Variants in DPP8 observed in about 807,000 individuals in gnomAD.
DPP8 encodes the protein dipeptidyl peptidase 8.
In DPP8, 31 loss-of-function variants were observed where a neutral mutation model predicts 107.5. The observed-to-expected ratio is 0.29, with a 90% CI of 0.22 to 0.39. The LOEUF (loss-of-function observed/expected upper bound fraction) is 0.39. Ranked by LOEUF, DPP8 falls within the 10% of genes least tolerant of loss-of-function variation. The pLI is 1.00. For missense variants in DPP8, 842 were observed against 1,076.1 expected (o/e 0.78, Z 3.04); for synonymous variants, 381 against 356.6 (o/e 1.07, Z -0.77).
chr15:65,477,584 C>G (rs1390133900), intron 11 of DPP8, among the ~76,000 whole-genome samples: 1 of 146,492 alleles, frequency 6.8e-6, no homozygotes, highest in Admixed American at 6.9e-5. Context: ...CACTGGAGTG[C>G]AGTGGCGCGA....
At chr15:65,468,545 A>T (rs1046285302) in intron 12 of DPP8, among the ~76,000 whole-genome samples, 1 of 152,050 alleles carries the variant, frequency 6.6e-6, no homozygotes, top group Non-Finnish European at 1.5e-5. Flanking sequence ...AACACATATA[A>T]ATTTCTAAAA....
At chr15:65,513,036 G>C (rs537244459) in intron 1 of DPP8, among the ~76,000 whole-genome samples, 2 of 152,294 alleles carry the variant, frequency 1.3e-5, no homozygotes, top group South Asian at 4.1e-4. Context: ...CAACAAATGA[G>C]AACGGTAATA....
chr15:65,480,748 C>A (rs764020253), intron 9 of DPP8, among the ~76,000 whole-genome samples: 3 of 152,036 alleles, frequency 2.0e-5, no homozygotes, highest in Non-Finnish European at 4.4e-5. Flanking sequence ...CAGTAAGCTA[C>A]GATCATGCCA....
At chr15:65,497,662 A>G (rs1212645468) in intron 5 of DPP8, among the ~76,000 whole-genome samples, 2 of 152,218 alleles carry the variant, frequency 1.3e-5, no homozygotes, top group African/African-American at 4.8e-5. Flanking sequence ...GAAAATGAAC[A>G]TTAAAACATT....
chr15:65,506,345 TAATA>T (rs1047876704), intron 3 of DPP8, among the ~76,000 whole-genome samples: 2 of 151,976 alleles, frequency 1.3e-5, no homozygotes, highest in African/African-American at 2.4e-5. Context: ...AAAATGATAA[TAATA>T]AATAAATAAA....
intron 11 of DPP8, chr15:65,475,355 TG>T: frequency 7.5e-7 from 1 of 1,325,968 alleles, no homozygotes. Context: ...CTTCTGAGTG[TG>T]GGCTTTGGAG....
At chr15:65,499,245 C>A (rs1237116773) in intron 4 of DPP8, among the ~76,000 whole-genome samples, 1 of 150,416 alleles carries the variant, frequency 6.6e-6, no homozygotes, top group African/African-American at 2.5e-5. Flanking sequence ...TTTTTTTTCT[C>A]TCTCTCTTAG....
In DPP8 at chr15:65,443,209, CTA is replaced by C. The variant is rs2063360091; in HGVS notation, c.*3673_*3674del. 6.6e-6 allele frequency: 1 copy of C among 152,070 alleles called. No homozygotes were observed. Among genetic ancestry groups the C allele is most frequent in the Admixed American group, 6.5e-5 (1 of 15,268 alleles). The allele number at this position is 152,070 out of a possible 1,614,324, so 9.4% of individuals were successfully genotyped here. On this transcript the variant is annotated 3_prime_UTR_variant, in exon 20 of 20. Transcript: ENST00000300141. ...ATATTTCTTTAAAAATTTACCTTTT[CTA>C]TATATCATTTAACTACCATGAGGCA...
Position 65,498,009 on chromosome 15 carries a change from T to C in DPP8, c.570A>G (p.Leu190=). ...GTATGTTGGGACAACTAGTTTCCAC[T>C]AGATTGGGCCTTAAAGGTTGTTGCT... ...GFTQQPLRPN[L]VETSCPNIRM... Residue 190 remains leucine (L), a synonymous_variant, in exon 5 of 20, where the codon CTA becomes CTG. Transcript: ENST00000300141. 1.2e-5 allele frequency: 19 copies of C among 1,605,904 alleles called. No individual in the cohort carries two copies. Among genetic ancestry groups the C allele is most frequent in the Non-Finnish European group, 1.6e-5 (19 of 1,175,248 alleles).
At chr15:65,466,964 TTA>T in intron 13 of DPP8, 105 bp downstream of exon 13, 5 of 1,468,166 alleles carry the variant, frequency 3.4e-6, no homozygotes, top group Admixed American at 2.2e-5. Context: ...AAGCTTTTCC[TTA>T]GAGAATTAGG....
chr15:65,471,796 A>C (rs1252900813), intron 12 of DPP8, among the ~76,000 whole-genome samples: 1 of 152,160 alleles, frequency 6.6e-6, no homozygotes, highest in African/African-American at 2.4e-5. Flanking sequence ...CAGATACTCT[A>C]AAGTTTTTAC....
At chr15:65,491,796 G>C (rs995082854) in intron 5 of DPP8, among the ~76,000 whole-genome samples, 4 of 152,136 alleles carry the variant, frequency 2.6e-5, no homozygotes, top group African/African-American at 9.7e-5. Flanking sequence ...GCAGTGGCGT[G>C]ATCTCGGCTC....
At chr15:65,498,123 T>G in intron 4 of DPP8, 91 bp from the exon 5 acceptor site, 1 of 1,043,984 alleles carries the variant, frequency 9.6e-7, no homozygotes, top group Non-Finnish European at 1.3e-6. Context: ...TATTTCTAGG[T>G]AAAATGTCAA....
intron 1 of DPP8, among the ~76,000 whole-genome samples, chr15:65,514,938 G>A: frequency 6.6e-6 from 1 of 152,218 alleles, no homozygotes; most frequent in East Asian, 1.9e-4. Context: ...GTGCTTGCAA[G>A]AATAGGGCTG....
At chr15:65,489,368 A>G (rs180879738) in intron 6 of DPP8, among the ~76,000 whole-genome samples, 1 of 151,564 alleles carries the variant, frequency 6.6e-6, no homozygotes, top group Non-Finnish European at 1.5e-5. Context: ...TTAAACCACA[A>G]TACAATGGTT....
intron 12 of DPP8, among the ~76,000 whole-genome samples, chr15:65,470,195 C>CAAAAAAAAAAAAAAAAAAA (rs11310623): frequency 3.4e-5 from 2 of 58,500 alleles, no homozygotes; most frequent in African/African-American, 5.9e-5. Flanking sequence ...ACTCTTGTCT[C>CAAAAAAAAAAAAAAAAAAA]AAAAAAAAAA....
intron 5 of DPP8, among the ~76,000 whole-genome samples, chr15:65,493,439 G>T (rs535047275): frequency 6.6e-6 from 1 of 152,190 alleles, no homozygotes; most frequent in East Asian, 1.9e-4. Flanking sequence ...CTCCAGCAGG[G>T]TAACCAAATA....
In DPP8 at chr15:65,497,960, C is replaced by T. The variant is rs995850555; in HGVS notation, c.619G>A (p.Ala207Thr). ...NIRMDPKLCP[A>T]DPDWIAFIHS... ...ATAAAAGCAATCCAGTCTGGATCAG[C>T]AGGGCATAATTTTGGATCCATCCGT... The change falls in exon 5 of 20, where the codon GCT becomes ACT. Residue 207 changes from alanine to threonine, a missense_variant. Physicochemically the swap from Ala to Thr is moderately conservative, Grantham distance 58. This residue lies in a region of DPP8 where 663 missense variants were observed against 758.0 expected (regional missense o/e 0.87). Transcript: ENST00000300141. 1 of 1,611,842 alleles carries T rather than the reference C, an allele frequency of 6.2e-7. No individual in the cohort carries two copies. Among genetic ancestry groups the T allele is most frequent in the Non-Finnish European group, 8.5e-7 (1 of 1,178,622 alleles).
chr15:65,448,499 C>T (rs1026702450), intron 19 of DPP8, among the ~76,000 whole-genome samples: 1 of 137,206 alleles, frequency 7.3e-6, no homozygotes, highest in Admixed American at 7.2e-5. Context: ...AGTGAAACCC[C>T]GTCTGTACTA....
Sources: allele counts gnomAD v4.1 joint callset (sites outside exome capture counted in the v4.1 genomes callset), GRCh38; gene constraint gnomAD v4.1.1; regional missense constraint gnomAD v4.1.1; transcripts MANE v1.5; gene names NCBI Gene and HGNC (gene_info 2026-07-23, HGNC 2026-07-21).